The following TMED2 variants were observed in gnomAD, a reference collection of about 807,000 sequenced individuals.
TMED2 encodes the protein transmembrane p24 trafficking protein 2.
TMED2 carries 3 observed loss-of-function variants against 17.5 expected under a neutral mutation model. The observed-to-expected ratio is 0.17, with a 90% CI of 0.08 to 0.44. The LOEUF (loss-of-function observed/expected upper bound fraction) is 0.44, where lower values mean the gene tolerates loss of function less well. TMED2 is among the 20% of genes least tolerant of loss of function. The pLI is 0.99. For synonymous variants in TMED2, 95 were observed against 91.0 expected (o/e 1.04, Z -0.25); for missense variants, 149 against 254.8 (o/e 0.58, Z 2.83).
Position 123,590,407 on chromosome 12 carries a change from G to C in TMED2, c.439G>C (p.Glu147Gln). 6.2e-7 allele frequency: 1 copy of C among 1,609,508 alleles called. No homozygotes were observed. The highest frequency in any genetic ancestry group is 8.5e-7 in the Non-Finnish European group (1 of 1,177,136). ...AGTGGCGATGACAGCTGTAAAGCAC[G>C]AACAGGAATACATGGAAGTCCGGGA... The part of the protein sequence containing the change: ...LAVAMTAVKH[E>Q]QEYMEVRERI... The change falls in exon 3 of 4, where the codon GAA becomes CAA. Residue 147 changes from glutamate to glutamine, a missense_variant. Coordinates refer to ENST00000262225, the MANE Select transcript of TMED2 (RefSeq NM_006815.4).
At chr12:123,587,874 C>T (rs1212048075) in intron 2 of TMED2, among the ~76,000 whole-genome samples, 2 of 152,150 alleles carry the variant, frequency 1.3e-5, no homozygotes, top group East Asian at 1.9e-4. Flanking sequence ...TTAGTAGTAA[C>T]ATCTTTGTTC....
Position 123,596,633 on chromosome 12 carries a change from C to T in TMED2, c.510C>T (p.Val170=). 6.2e-7 allele frequency: 1 copy of T among 1,611,502 alleles called. No individual in the cohort carries two copies. Among genetic ancestry groups the T allele is most frequent in the Non-Finnish European group, 8.5e-7 (1 of 1,179,098 alleles). The change falls in exon 4 of 4, where the codon GTC becomes GTT. Residue 170 remains valine (V), a synonymous_variant. Transcript: ENST00000262225. ...AINDNTNSRV[V]LWSFFEALVL... The stretch of plus-strand genomic sequence containing the variant: ...ACGACAACACAAACAGCAGAGTGGT[C>T]CTTTGGTCCTTCTTTGAAGCTCTTG...
intron 3 of TMED2, among the ~76,000 whole-genome samples, chr12:123,594,664 G>A (rs1953417728): frequency 6.6e-6 from 1 of 150,890 alleles, no homozygotes; most frequent in African/African-American, 2.4e-5. Context: ...GAGGTGGGTG[G>A]ATCACCTGAG....
rs1953446486 is a variant in TMED2 at position 123,598,328 on chromosome 12, G to T, written c.*1599G>T. 1 of 152,178 alleles carries T rather than the reference G, an allele frequency of 6.6e-6. No homozygotes were observed. Among genetic ancestry groups the T allele is most frequent in the Non-Finnish European group, 1.5e-5 (1 of 68,038 alleles). The allele number at this position is 152,178 out of a possible 1,614,324, so 9.4% of individuals were successfully genotyped here. On this transcript the variant is annotated 3_prime_UTR_variant, in exon 4 of 4. Transcript: ENST00000262225. ...TTTTAGTTTCTGCGTAGGTTTTCCA[G>T]TGTGGCTTCTCTGATGGATCAGTGC...
rs141948896 is a variant in TMED2 at position 123,597,412 on chromosome 12, A to G, written c.*683A>G. ...TTCTGGGTTTCTGCCTAACCCCCTAATTGTCTGTTAAAGCCAATTCTCTGG... is the reference window on the plus strand; with the variant it reads ...TTCTGGGTTTCTGCCTAACCCCCTAGTTGTCTGTTAAAGCCAATTCTCTGG... On this transcript the variant is annotated 3_prime_UTR_variant, in exon 4 of 4. Coordinates refer to ENST00000262225, the MANE Select transcript of TMED2 (RefSeq NM_006815.4). 1 of 152,278 alleles carries G rather than the reference A, an allele frequency of 6.6e-6. No homozygotes were observed. The highest frequency in any genetic ancestry group is 2.4e-5 in the African/African-American group (1 of 41,546). The allele number at this position is 152,278 out of a possible 1,614,324, so 9.4% of individuals were successfully genotyped here. A position where few individuals can be genotyped will look rare whatever the true frequency, so the allele number is the denominator to read the frequency against.
In TMED2 at chr12:123,597,828, T is replaced by C. The variant is rs1555274214; in HGVS notation, c.*1099T>C. 1 of 149,120 alleles carries C rather than the reference T, an allele frequency of 6.7e-6. No individual in the cohort carries two copies. Among genetic ancestry groups the C allele is most frequent in the African/African-American group, 2.5e-5 (1 of 40,674 alleles). 9.2% of individuals were successfully genotyped at this position (149,120 alleles called of 1,614,324 possible). On this transcript the variant is annotated 3_prime_UTR_variant, in exon 4 of 4. Coordinates refer to ENST00000262225, the MANE Select transcript of TMED2 (RefSeq NM_006815.4). ...TGATCCAGGATTATGTTGTGACTGATACATATTAGTTACTTGTGCTTTTTT... is the reference window on the plus strand; with the variant it reads ...TGATCCAGGATTATGTTGTGACTGACACATATTAGTTACTTGTGCTTTTTT...
Position 123,586,674 on chromosome 12 carries a change from C to T in TMED2, c.181-73C>T, listed in dbSNP as rs1953348284. 6 of 1,422,444 alleles carry T rather than the reference C, an allele frequency of 4.2e-6. No homozygotes were observed. The South Asian group carries it at 6.0e-5, about 14-fold the overall frequency. 88.1% of individuals were successfully genotyped at this position (1,422,444 alleles called of 1,614,324 possible). A position where few individuals can be genotyped will look rare whatever the true frequency, so the allele number is the denominator to read the frequency against. On this transcript the variant is annotated intron_variant, in intron 1 of 3. Transcript: ENST00000262225. ...CATATTCTTGGTGAATTTCTTACTG[C>T]CATTAGACATTACTTATAAAGTCTA...
intron 2 of TMED2, chr12:123,587,518 C>T (rs1426305259): frequency 1.4e-5 from 14 of 968,616 alleles, no homozygotes; most frequent in Non-Finnish European, 1.6e-5. Flanking sequence ...CTAATCCTGG[C>T]ATATACTTTA....
At chr12:123,588,559 A>C (rs1953368794) in intron 2 of TMED2, among the ~76,000 whole-genome samples, 1 of 152,144 alleles carries the variant, frequency 6.6e-6, no homozygotes, top group African/African-American at 2.4e-5. Context: ...TTCTTAGATA[A>C]TTTTTTAACA....
rs1387129904 is a variant in TMED2, at chr12:123,584,625, C to T, written c.-12C>T. 6.2e-6 allele frequency: 10 copies of T among 1,607,100 alleles called. No individual in the cohort carries two copies. The highest frequency in any genetic ancestry group is 2.7e-5 in the African/African-American group (2 of 74,810). ...CCGCAGTCCGGGTCCTGGCTTCGGCCTCAGCCCCACCATGGTGACGCTTGC... is the reference window on the plus strand; with the variant it reads ...CCGCAGTCCGGGTCCTGGCTTCGGCTTCAGCCCCACCATGGTGACGCTTGC... On this transcript the variant is annotated 5_prime_UTR_variant, in exon 1 of 4. Coordinates refer to ENST00000262225, the MANE Select transcript of TMED2 (RefSeq NM_006815.4).
At chr12:123,594,927 T>G (rs1953420104) in intron 3 of TMED2, among the ~76,000 whole-genome samples, 1 of 147,476 alleles carries the variant, frequency 6.8e-6, no homozygotes, top group Non-Finnish European at 1.5e-5. Flanking sequence ...ATAAAATACA[T>G]TTAAAAATAA....
chr12:123,586,254 A>G (rs1299923326), intron 1 of TMED2: 1 of 152,196 alleles, frequency 6.6e-6, no homozygotes, highest in East Asian at 1.9e-4. Context: ...CATGAAGTCA[A>G]CTCTTATTTT....
At chr12:123,588,469 G>A (rs969032934) in intron 2 of TMED2, among the ~76,000 whole-genome samples, 2 of 152,236 alleles carry the variant, frequency 1.3e-5, no homozygotes, top group East Asian at 3.9e-4. Flanking sequence ...AGTTCTGAAA[G>A]GCTTTTTTGG....
chr12:123,585,320 G>A (rs1317565216), intron 1 of TMED2, among the ~76,000 whole-genome samples: 3 of 152,166 alleles, frequency 2.0e-5, no homozygotes, highest in Admixed American at 1.3e-4. Flanking sequence ...TTCGCGTTGT[G>A]TTTATTTTTC....
chr12:123,593,578 T>C (rs888291977), intron 3 of TMED2, among the ~76,000 whole-genome samples: 1 of 152,246 alleles, frequency 6.6e-6, no homozygotes, highest in African/African-American at 2.4e-5. Flanking sequence ...CCTAGAATTA[T>C]GACCTTGGGC....
chr12:123,594,325 G>C (rs1204653801), intron 3 of TMED2, among the ~76,000 whole-genome samples: 2 of 151,574 alleles, frequency 1.3e-5, no homozygotes, highest in African/African-American at 4.8e-5. Context: ...TAGTAGAGAC[G>C]GGGTTTCACT....
chr12:123,594,386 G>A (rs558753458), intron 3 of TMED2, among the ~76,000 whole-genome samples: 3 of 151,702 alleles, frequency 2.0e-5, no homozygotes, highest in East Asian at 2.0e-4. Flanking sequence ...CACCCGCCTC[G>A]ACCTCACAAA....
At chr12:123,591,576 G>T (rs1953392782) in intron 3 of TMED2, among the ~76,000 whole-genome samples, 1 of 152,158 alleles carries the variant, frequency 6.6e-6, no homozygotes, top group Admixed American at 6.6e-5. Context: ...AAGGTCAAGA[G>T]ACTGAGACCA....
chr12:123,585,003 C>T (rs1283524686), intron 1 of TMED2, 187 bp downstream of exon 1: 3 of 687,754 alleles, frequency 4.4e-6, no homozygotes, highest in Admixed American at 3.0e-5. Flanking sequence ...CCCCTTTTCC[C>T]GCGACTTGCC....
Sources: gnomAD v4.1 joint callset for allele counts (sites outside exome capture counted in the v4.1 genomes callset) on GRCh38, gnomAD v4.1.1 for gene constraint, MANE v1.5 for transcripts, NCBI Gene and HGNC (gene_info 2026-07-23, HGNC 2026-07-21) for gene names.